The following MYL9 variants were observed in gnomAD, a reference collection of about 807,000 sequenced individuals.
MYL9 encodes the protein myosin regulatory light polypeptide 9.
MYL9 carries 7 observed loss-of-function variants against 12.8 expected under a neutral mutation model. The ratio of observed to expected loss-of-function variants is 0.55; its 90% CI spans 0.31 to 1.03. The LOEUF is 1.03. Ranked by LOEUF, MYL9 falls within the 50% of genes least tolerant of loss-of-function variation. The pLI is 0.05. For missense variants in MYL9, 190 were observed against 242.7 expected (o/e 0.78, Z 1.44); for synonymous variants, 81 against 87.8 (o/e 0.92, Z 0.43).
intron 2 of MYL9, among the ~76,000 whole-genome samples, chr20:36,545,862 G>T (rs2038094163): frequency 6.6e-6 from 1 of 152,176 alleles, no homozygotes; most frequent in African/African-American, 2.4e-5. Flanking sequence ...GGAGTTTGCA[G>T]TGAGCCAAGA....
chr20:36,545,422 G>A (rs992524918), intron 2 of MYL9, among the ~76,000 whole-genome samples: 6 of 151,386 alleles, frequency 4.0e-5, no homozygotes, highest in East Asian at 2.0e-4. Context: ...GCGTGAACCC[G>A]GAAAGCGGAG....
At position 36,550,636 on chromosome 20, in the gene MYL9, G is replaced by C. The variant is rs115604979; in HGVS notation, c.*1387G>C. ...AAGGTCCCAGATCAGGGCCAAGGGG[G>C]AGCTGAGCACCAGGGGACCCTGTGC... On this transcript the variant is annotated 3_prime_UTR_variant, in exon 4 of 4. Transcript: ENST00000279022. 2.0e-5 allele frequency: 3 copies of C among 152,388 alleles called. No individual in the cohort carries two copies. The highest frequency in any genetic ancestry group is 1.3e-4 in the Admixed American group (2 of 15,268). 9.4% of individuals were successfully genotyped at this position (152,388 alleles called of 1,614,324 possible).
intron 2 of MYL9, among the ~76,000 whole-genome samples, chr20:36,546,823 T>C (rs1242309772): frequency 6.6e-6 from 1 of 152,188 alleles, no homozygotes; most frequent in Non-Finnish European, 1.5e-5. Context: ...TTGGCCAGGC[T>C]GGTCTCAAAC....
At chr20:36,545,960 G>C (rs1451191849) in intron 2 of MYL9, among the ~76,000 whole-genome samples, 6 of 152,170 alleles carry the variant, frequency 3.9e-5, no homozygotes, top group Admixed American at 2.6e-4. Flanking sequence ...GCATCTAAAT[G>C]AAAGTGTGAA....
chr20:36,542,215 T>G (rs7266131), intron 1 of MYL9, among the ~76,000 whole-genome samples: 10,443 of 152,192 alleles, frequency 0.069, 1,258 homozygotes, highest in African/African-American at 0.24. Context: ...CGAGGACTAG[T>G]GGCTGGGAGA....
chr20:36,544,745 A>T lies in MYL9; in HGVS notation c.-26-114A>T, dbSNP rs2038074556. ...AAGAACTGGGTGGTGGGAGCCCCAA[A>T]TCCGTGGGCAGCCTTGAATGCCAGG... is the stretch of plus-strand genomic sequence containing the variant. On this transcript the variant is annotated intron_variant, in intron 1 of 3. Transcript: ENST00000279022. 3.6e-6 allele frequency: 3 copies of T among 827,820 alleles called. No individual in the cohort carries two copies. In the African/African-American group the frequency reaches 5.2e-5, roughly 14 times the overall value. The allele number at this position is 827,820 out of a possible 1,614,324, so 51.3% of individuals were successfully genotyped here.
rs561405672 is a variant in MYL9 at position 36,549,150 on chromosome 20, C to A, written c.420C>A (p.Asp140Glu). Residue 140 changes from aspartate to glutamate, a missense_variant, in exon 4 of 4, where the codon GAC becomes GAA. Physicochemically the swap from Asp to Glu is conservative, Grantham distance 45. Coordinates refer to ENST00000279022, the MANE Select transcript of MYL9 (RefSeq NM_006097.5). ...ACCGCTTCACAGATGAGGAAGTGGA[C>A]GAGATGTACCGGGAGGCACCCATTG... is the stretch of plus-strand genomic sequence containing the variant. ...MGDRFTDEEVDEMYREAPIDK... is the reference protein window; with the variant it reads ...MGDRFTDEEVEEMYREAPIDK... 1.9e-6 allele frequency: 3 copies of A among 1,613,800 alleles called. No individual in the cohort carries two copies. The African/African-American group carries it at 4.0e-5, about 22-fold the overall frequency.
In MYL9 at chr20:36,549,487, C is replaced by G; in HGVS notation, c.*238C>G. 2.1e-6 allele frequency: 1 copy of G among 469,414 alleles called. No individual in the cohort carries two copies. Among genetic ancestry groups the G allele is most frequent in the Non-Finnish European group, 3.9e-6 (1 of 259,526 alleles). 29.1% of individuals were successfully genotyped at this position (469,414 alleles called of 1,614,324 possible). On this transcript the variant is annotated 3_prime_UTR_variant, in exon 4 of 4. Transcript: ENST00000279022. ...TCTGACCCCTCCAAGGAAAGACCAC[C>G]TTCTGGGGACATGGGCTGGAGGGCA...
chr20:36,544,757 C>A (rs547989891), intron 1 of MYL9, 102 bp from the exon 2 acceptor site: 4 of 954,030 alleles, frequency 4.2e-6, no homozygotes, highest in East Asian at 5.2e-5. Flanking sequence ...CCGTGGGCAG[C>A]CTTGAATGCC....
chr20:36,545,867 C>T (rs890375563), intron 2 of MYL9, among the ~76,000 whole-genome samples: 1 of 152,122 alleles, frequency 6.6e-6, no homozygotes, highest in African/African-American at 2.4e-5. Context: ...TTGCAGTGAG[C>T]CAAGATCACG....
At chr20:36,547,368 C>A (rs1289596212) in intron 2 of MYL9, among the ~76,000 whole-genome samples, 1 of 152,204 alleles carries the variant, frequency 6.6e-6, no homozygotes, top group Non-Finnish European at 1.5e-5. Context: ...GTAATTTACC[C>A]AAGGTCACAC....
chr20:36,548,049 G>A lies in MYL9; in HGVS notation c.202G>A (p.Glu68Lys), dbSNP rs569339141. ...LASLGKNPTD[E>K]YLEGMMSEAP... is the part of the protein sequence containing the mutation. The stretch of plus-strand genomic sequence containing the variant: ...TGCCACAGGGAAGAACCCCACAGAC[G>A]AATACCTGGAGGGCATGATGAGCGA... Residue 68 changes from glutamate to lysine, a missense_variant, in exon 3 of 4, where the codon GAA (glutamate) becomes AAA (lysine). By Grantham distance (56) the Glu-to-Lys change is moderately conservative (BLOSUM62 1). Transcript: ENST00000279022. 14 of 1,611,656 alleles carry A rather than the reference G, an allele frequency of 8.7e-6. No homozygotes were observed. Among genetic ancestry groups the A allele is most frequent in the Middle Eastern group, 1.7e-4 (1 of 6,046 alleles).
Position 36,549,476 on chromosome 20 carries a change from G to A in MYL9, c.*227G>A. 1 of 487,478 alleles carries A rather than the reference G, an allele frequency of 2.1e-6. No individual in the cohort carries two copies. The highest frequency in any genetic ancestry group is 3.7e-6 in the Non-Finnish European group (1 of 270,870). 30.2% of individuals were successfully genotyped at this position (487,478 alleles called of 1,614,324 possible). On this transcript the variant is annotated 3_prime_UTR_variant, in exon 4 of 4. Transcript: ENST00000279022. ...GGGCTATAGTCTCTGACCCCTCCAA[G>A]GAAAGACCACCTTCTGGGGACATGG...
intron 2 of MYL9, among the ~76,000 whole-genome samples, chr20:36,547,321 C>G (rs2147897920): frequency 6.6e-6 from 1 of 152,312 alleles, no homozygotes; most frequent in Admixed American, 6.5e-5. Context: ...ATTATTCCCA[C>G]TTTACAAACA....
rs1049612158 is a variant in MYL9, at chr20:36,544,752, G to A, written c.-26-107G>A. 9.1e-6 allele frequency: 8 copies of A among 883,322 alleles called. No individual in the cohort carries two copies. The African/African-American group carries it at 1.4e-4, about 15-fold the overall frequency. 54.7% of individuals were successfully genotyped at this position (883,322 alleles called of 1,614,324 possible). A position where few individuals can be genotyped will look rare whatever the true frequency, so the allele number is the denominator to read the frequency against. ...GGGTGGTGGGAGCCCCAAATCCGTG[G>A]GCAGCCTTGAATGCCAGGCCGAAGT... On this transcript the variant is annotated intron_variant, in intron 1 of 3. Coordinates refer to ENST00000279022, the MANE Select transcript of MYL9 (RefSeq NM_006097.5).
At chr20:36,546,800 G>A (rs2038106012) in intron 2 of MYL9, among the ~76,000 whole-genome samples, 1 of 152,178 alleles carries the variant, frequency 6.6e-6, no homozygotes, top group African/African-American at 2.4e-5. Context: ...AGTAGAGACA[G>A]GGTTTCGCCA....
At position 36,548,298 on chromosome 20, in the gene MYL9, G is replaced by C. The variant is rs1401479739; in HGVS notation, c.346+105G>C. 2.1e-6 allele frequency: 3 copies of C among 1,409,376 alleles called. No homozygotes were observed. In the East Asian group the frequency reaches 7.6e-5, roughly 36 times the overall value. 87.3% of individuals were successfully genotyped at this position (1,409,376 alleles called of 1,614,324 possible). The stretch of plus-strand genomic sequence containing the variant: ...AGAACAGACATCACCCATCTCCCAG[G>C]TTCTGTCACCAGAACTATAAAAGCC... On this transcript the variant is annotated intron_variant, in intron 3 of 3. Transcript: ENST00000279022.
At chr20:36,544,008 GA>G (rs2038065869) in intron 1 of MYL9, among the ~76,000 whole-genome samples, 1 of 152,196 alleles carries the variant, frequency 6.6e-6, no homozygotes. Context: ...GACTTGCTCT[GA>G]GGGGCGGCAG....
chr20:36,548,597 C>T (rs1025615582), intron 3 of MYL9, among the ~76,000 whole-genome samples: 1 of 150,906 alleles, frequency 6.6e-6, no homozygotes, highest in African/African-American at 2.4e-5. Flanking sequence ...CATGGGCCCG[C>T]ACGGGCCTGA....
Sources: gnomAD v4.1 joint callset for allele counts (sites outside exome capture counted in the v4.1 genomes callset) on GRCh38, gnomAD v4.1.1 for gene constraint, MANE v1.5 for transcripts, NCBI Gene and HGNC (gene_info 2026-07-23, HGNC 2026-07-21) for gene names.